The following NHERF1 variants were observed in gnomAD, a reference collection of about 807,000 sequenced individuals.
The protein encoded by NHERF1 is Na(+)/H(+) exchange regulatory cofactor NHE-RF1.
At chr17:74,753,092 T>G in the NHERF1 span, among the ~76,000 whole-genome samples, 1 of 152,176 alleles carries the variant, frequency 6.6e-6, no homozygotes, top group Non-Finnish European at 1.5e-5. Flanking sequence ...AGTCCAGGCT[T>G]TGGGGTCAGC....
At chr17:74,749,272 G>C in the NHERF1 span, 10 of 1,529,032 alleles carry the variant, frequency 6.5e-6, no homozygotes, top group African/African-American at 1.2e-4. This position sits in a 1 kb window ranked among gnomAD's most constrained non-coding sequence, Gnocchi z 5.6. Flanking sequence ...AGGCCGACAA[G>C]AGCCACCCGG....
At chr17:74,763,853 C>G in the NHERF1 span, among the ~76,000 whole-genome samples, 1 of 152,258 alleles carries the variant, frequency 6.6e-6, no homozygotes, top group Non-Finnish European at 1.5e-5. Context: ...AGCAGACTTT[C>G]AGGGCAGTGT....
At chr17:74,765,408 C>T in the NHERF1 span, among the ~76,000 whole-genome samples, 1 of 151,852 alleles carries the variant, frequency 6.6e-6, no homozygotes, top group East Asian at 1.9e-4. Context: ...TACAGCCATG[C>T]GCCACCACGC....
chr17:74,751,513 G>T, the NHERF1 span, among the ~76,000 whole-genome samples: 2 of 152,242 alleles, frequency 1.3e-5, no homozygotes, highest in African/African-American at 4.8e-5. This position sits in a 1 kb window ranked among gnomAD's most constrained non-coding sequence, Gnocchi z 4.3. Context: ...GTGGCCTCTG[G>T]CTGGGAAGAC....
the NHERF1 span, chr17:74,766,944 C>A: frequency 6.2e-7 from 1 of 1,614,092 alleles, no homozygotes; most frequent in Non-Finnish European, 8.5e-7. Context: ...AGGTCCCCTG[C>A]CTGTGCCCTT....
chr17:74,753,566 A>T, the NHERF1 span, among the ~76,000 whole-genome samples: 1 of 152,250 alleles, frequency 6.6e-6, no homozygotes, highest in South Asian at 2.1e-4. Context: ...TAACTCAGTA[A>T]TTCTGGAGAT....
the NHERF1 span, chr17:74,748,763 C>T: frequency 1.6e-6 from 2 of 1,267,608 alleles, no homozygotes; most frequent in African/African-American, 1.5e-5. The surrounding 1 kb of genome is among the most constrained non-coding windows in gnomAD (Gnocchi z 4.3). Flanking sequence ...GCTCCCGGTT[C>T]GCTGGACGGG....
At chr17:74,761,192 C>CA in the NHERF1 span, among the ~76,000 whole-genome samples, 1 of 152,226 alleles carries the variant, frequency 6.6e-6, no homozygotes, top group African/African-American at 2.4e-5. The surrounding 1 kb of genome is among the most constrained non-coding windows in gnomAD (Gnocchi z 4.3). Flanking sequence ...TCACACCCTC[C>CA]AGGCCACAGC....
At chr17:74,753,083 G>T in the NHERF1 span, among the ~76,000 whole-genome samples, 1 of 152,174 alleles carries the variant, frequency 6.6e-6, no homozygotes, top group Non-Finnish European at 1.5e-5. Flanking sequence ...AAAGCCAAAA[G>T]TCCAGGCTTT....
At chr17:74,753,804 CT>C in the NHERF1 span, among the ~76,000 whole-genome samples, 1 of 152,056 alleles carries the variant, frequency 6.6e-6, no homozygotes, top group African/African-American at 2.4e-5. Context: ...TCCTTCTCCC[CT>C]TTCCCAGATG....
chr17:74,768,530 C>T, the NHERF1 span: 24 of 1,614,114 alleles, frequency 1.5e-5, no homozygotes, highest in Admixed American at 3.3e-5. Context: ...CCTCCTCCTC[C>T]GACCCCATCC....
the NHERF1 span, chr17:74,766,804 G>A: frequency 5.8e-6 from 5 of 855,998 alleles, no homozygotes; most frequent in African/African-American, 1.7e-5. Flanking sequence ...ATGGTGGGTG[G>A]TAGTCAAAAA....
chr17:74,769,271 G>C, the NHERF1 span: 1 of 152,386 alleles, frequency 6.6e-6, no homozygotes, highest in Non-Finnish European at 1.5e-5. Context: ...GCACGGGGAG[G>C]GTTTGGCTAC....
chr17:74,748,785 G>A, the NHERF1 span: 11 of 1,419,664 alleles, frequency 7.7e-6, 1 homozygote, highest in South Asian at 1.3e-4. This position sits in a 1 kb window ranked among gnomAD's most constrained non-coding sequence, Gnocchi z 4.3. Flanking sequence ...AGAAGGGCTG[G>A]GCCGTCCCGT....
the NHERF1 span, chr17:74,768,519 ACCT>A: frequency 4.3e-6 from 7 of 1,613,518 alleles, no homozygotes; most frequent in East Asian, 2.2e-5. Context: ...GCCCTCGTCT[ACCT>A]CCTCCTCCGA....
the NHERF1 span, chr17:74,768,365 T>C: frequency 6.9e-7 from 1 of 1,451,416 alleles, no homozygotes; most frequent in African/African-American, 1.4e-5. Flanking sequence ...GTGACCTGGC[T>C]TCCCTGGGCA....
At chr17:74,768,838 C>T in the NHERF1 span, 8 of 611,122 alleles carry the variant, frequency 1.3e-5, no homozygotes, top group Admixed American at 3.0e-5. Context: ...AATGTGTTCC[C>T]GTCCTCCCGC....
the NHERF1 span, among the ~76,000 whole-genome samples, chr17:74,758,447 C>A: frequency 3.0e-4 from 46 of 152,310 alleles, no homozygotes; most frequent in South Asian, 1.9e-3. This position sits in a 1 kb window ranked among gnomAD's most constrained non-coding sequence, Gnocchi z 4.3. Flanking sequence ...CCCTGGGTCA[C>A]CCCGGCCCAG....
the NHERF1 span, among the ~76,000 whole-genome samples, chr17:74,758,435 A>G: frequency 2.6e-5 from 4 of 152,202 alleles, no homozygotes; most frequent in Admixed American, 1.3e-4. The surrounding 1 kb of genome is among the most constrained non-coding windows in gnomAD (Gnocchi z 4.3). Flanking sequence ...CAGCCTGTCC[A>G]GCCCTGGGTC....
Sources: allele counts gnomAD v4.1 joint callset (sites outside exome capture counted in the v4.1 genomes callset), GRCh38; gene constraint gnomAD v4.1.1; non-coding constraint Gnocchi (gnomAD v3.1); transcripts MANE v1.5; gene names NCBI Gene and HGNC (gene_info 2026-07-23, HGNC 2026-07-21).